The following CNGA1 variants were observed in gnomAD, a reference collection of about 807,000 sequenced individuals.
CNGA1 encodes cyclic nucleotide-gated channel alpha-1.
A neutral mutation model predicts 69.7 loss-of-function variants in CNGA1; 53 were observed. That is an observed-to-expected ratio of 0.76 (90% CI 0.61 to 0.96). The LOEUF is 0.96. CNGA1 is among the 40% of genes least tolerant of loss of function. CNGA1 has a pLI of 0.00. For missense variants in CNGA1, 739 were observed against 811.2 expected (o/e 0.91, Z 1.08); for synonymous variants, 249 against 283.5 (o/e 0.88, Z 1.22).
intron 2 of CNGA1, among the ~76,000 whole-genome samples, chr4:48,006,861 G>A (rs1348056644): frequency 6.6e-6 from 1 of 151,996 alleles, no homozygotes; most frequent in Non-Finnish European, 1.5e-5. Flanking sequence ...GACCTCAAAC[G>A]ATCCTCCCTC....
At chr4:47,956,934 TA>T (rs1483827267) in intron 3 of CNGA1, among the ~76,000 whole-genome samples, 1 of 152,126 alleles carries the variant, frequency 6.6e-6, no homozygotes, top group Non-Finnish European at 1.5e-5. Context: ...TTTATTTTTT[TA>T]TTTTTTTATT....
intron 2 of CNGA1, among the ~76,000 whole-genome samples, chr4:47,994,901 T>C (rs1375157806): frequency 6.6e-5 from 10 of 152,192 alleles, no homozygotes; most frequent in Admixed American, 6.5e-4. Context: ...AGCTTTTGTT[T>C]ATCTGAAAAA....
At chr4:47,953,318 A>G (rs1739856824) in intron 3 of CNGA1, among the ~76,000 whole-genome samples, 1 of 152,194 alleles carries the variant, frequency 6.6e-6, no homozygotes, top group African/African-American at 2.4e-5. Flanking sequence ...ATAAATTTGG[A>G]TTTATCCCAG....
In CNGA1 at chr4:47,937,268, T is replaced by A. The variant is rs1439854780; in HGVS notation, c.1214A>T (p.Glu405Val). ...MISNMNAARAEFQARIDAIKQ... is the reference protein window; with the variant it reads ...MISNMNAARAVFQARIDAIKQ... ...GATAGCATCAATTCTTGCTTGAAAT[T>A]CTGCTCTGGCTGCATTCATGTTGGA... Residue 405 changes from glutamate (E) to valine (V), a missense_variant, in exon 11 of 11, where the codon GAA becomes GTA. Coordinates refer to ENST00000514170, the MANE Select transcript of CNGA1 (RefSeq NM_001379270.1). 6.2e-7 allele frequency: 1 copy of A among 1,614,086 alleles called. No homozygotes were observed. The highest frequency in any genetic ancestry group is 1.1e-5 in the South Asian group (1 of 91,090).
rs148315620 is a variant in CNGA1, at chr4:47,950,014, T to C, written c.225-119A>G. 4.2e-5 allele frequency: 33 copies of C among 789,276 alleles called. No homozygotes were observed. In the African/African-American group the frequency reaches 5.5e-4, roughly 13 times the overall value. The allele number at this position is 789,276 out of a possible 1,614,324, so 48.9% of individuals were successfully genotyped here. On this transcript the variant is annotated intron_variant, in intron 5 of 10. Coordinates refer to ENST00000514170, the MANE Select transcript of CNGA1 (RefSeq NM_001379270.1). ...CATTTCTACTCATTACTAAAGACTA[T>C]GTAGATGATAGATATTTCAAAAACA...
intron 2 of CNGA1, among the ~76,000 whole-genome samples, chr4:48,008,196 A>G (rs1321576127): frequency 6.6e-6 from 1 of 152,124 alleles, no homozygotes; most frequent in Non-Finnish European, 1.5e-5. Flanking sequence ...TTTTTTAAAT[A>G]AATTCTTTCA....
intron 1 of CNGA1, among the ~76,000 whole-genome samples, chr4:48,014,149 AAAG>A (rs1161909981): frequency 2.0e-5 from 3 of 152,230 alleles, no homozygotes; most frequent in Non-Finnish European, 4.4e-5. Context: ...TCCTAGAATC[AAAG>A]AATGGGCTAG....
intron 3 of CNGA1, among the ~76,000 whole-genome samples, chr4:47,972,978 C>T (rs1169703337): frequency 2.0e-5 from 3 of 151,742 alleles, no homozygotes; most frequent in African/African-American, 7.3e-5. Context: ...ATCACCCAAG[C>T]AGTAAACTAC....
At chr4:47,996,790 T>A (rs3113877) in intron 2 of CNGA1, among the ~76,000 whole-genome samples, 26,689 of 152,148 alleles carry the variant, frequency 0.18, 2,523 homozygotes, top group Middle Eastern at 0.24. Context: ...CTGGGCACAG[T>A]GACTCATGCC....
At chr4:47,955,593 C>T (rs971933590) in intron 3 of CNGA1, among the ~76,000 whole-genome samples, 1 of 152,166 alleles carries the variant, frequency 6.6e-6, no homozygotes, top group African/African-American at 2.4e-5. Flanking sequence ...TGTTTCACAC[C>T]TCTGTGCCTT....
rs547980381 is a variant in CNGA1, at chr4:47,984,599, C to A, written c.-122-3099G>T. Among the ~76,000 whole-genome samples the A allele has an allele frequency of 1.9e-3, 288 of 149,922 alleles. 1 individual carries two copies. Among genetic ancestry groups the A allele is most frequent in the Middle Eastern group, 0.014 (4 of 288 alleles). ...TGCTACTGCAGTACTCCAGCCTGGG[C>A]AAGGCATTGAGACTCCATCTCAAAA... On this transcript the variant is annotated intron_variant, in intron 2 of 10. Transcript: ENST00000514170.
chr4:47,945,408 T>G (rs943066467), intron 6 of CNGA1, among the ~76,000 whole-genome samples: 1 of 152,182 alleles, frequency 6.6e-6, no homozygotes, highest in African/African-American at 2.4e-5. Context: ...CTAAAGAACC[T>G]ATGACCATTA....
intron 2 of CNGA1, among the ~76,000 whole-genome samples, chr4:47,984,659 T>C (rs1406377586): frequency 1.1e-5 from 1 of 87,950 alleles, no homozygotes; most frequent in East Asian, 3.5e-4. Context: ...TATATATATA[T>C]ATATACACAC....
chr4:47,984,446 C>T (rs984919946), intron 2 of CNGA1, among the ~76,000 whole-genome samples: 5 of 151,712 alleles, frequency 3.3e-5, no homozygotes, highest in African/African-American at 4.8e-5. Context: ...GGTGAAACCC[C>T]GTCTTTACTA....
At chr4:47,992,652 CATTT>C (rs148038238) in intron 2 of CNGA1, among the ~76,000 whole-genome samples, 1,422 of 118,786 alleles carry the variant, frequency 0.012, 14 homozygotes, top group East Asian at 0.028. Context: ...ATTTGGATGC[CATTT>C]ATTATTTATT....
At chr4:47,978,754 T>G (rs1158965917) in intron 3 of CNGA1, among the ~76,000 whole-genome samples, 1 of 152,178 alleles carries the variant, frequency 6.6e-6, no homozygotes, top group Non-Finnish European at 1.5e-5. Flanking sequence ...CTCCTTGACT[T>G]CTTGTTTCAG....
Position 47,952,714 on chromosome 4 carries a change from AG to A in CNGA1, c.-14-12del, listed in dbSNP as rs777180291. On this transcript the variant is annotated splice_polypyrimidine_tract_variant and intron_variant, in intron 3 of 10. Transcript: ENST00000514170. ...TGGATAGTTTCATATCTGAGGAGAA[AG>A]AAGTCTTATTAGTGGAAAGGCTATT... The A allele has an allele frequency of 1.3e-6, 2 of 1,562,784 alleles. No homozygotes were observed. The highest frequency in any genetic ancestry group is 3.6e-5 in the Admixed American group (2 of 54,802).
chr4:47,976,032 G>T (rs1253309937), intron 3 of CNGA1, among the ~76,000 whole-genome samples: 1 of 150,784 alleles, frequency 6.6e-6, no homozygotes, highest in Non-Finnish European at 1.5e-5. Flanking sequence ...GCTGATGACA[G>T]GTGTTTTGGA....
intron 2 of CNGA1, among the ~76,000 whole-genome samples, chr4:47,989,726 A>G (rs1261388788): frequency 6.6e-6 from 1 of 151,800 alleles, no homozygotes; most frequent in East Asian, 1.9e-4. Flanking sequence ...GTGATTTGTG[A>G]GATTTCATTG....
Sources: gnomAD v4.1 joint callset for allele counts (sites outside exome capture counted in the v4.1 genomes callset) on GRCh38, gnomAD v4.1.1 for gene constraint, MANE v1.5 for transcripts, NCBI Gene and HGNC (gene_info 2026-07-23, HGNC 2026-07-21) for gene names.